Variants in LRRC27 observed in about 807,000 individuals in gnomAD.
The protein encoded by LRRC27 is leucine rich repeat containing 27.
A neutral mutation model predicts 55.0 loss-of-function variants in LRRC27; 57 were observed. That is an observed-to-expected ratio of 1.04 (90% CI 0.84 to 1.29). The LOEUF is 1.29. Among genes scored for constraint, LRRC27 ranks in the 50% most tolerant of loss-of-function variants. The probability of loss-of-function intolerance (pLI) is 0.00; values close to 1 mark genes in which losing one functional copy is unlikely to be tolerated. For missense variants in LRRC27, 721 were observed against 651.5 expected (o/e 1.11, Z -1.16); for synonymous variants, 278 against 251.9 (o/e 1.10, Z -0.98).
chr10:132,360,982 T>A (rs2068587531), intron 8 of LRRC27, among the ~76,000 whole-genome samples: 1 of 152,140 alleles, frequency 6.6e-6, no homozygotes, highest in Admixed American at 6.6e-5. Flanking sequence ...GCCGTTGGGG[T>A]GCTAGCCTCC....
intron 5 of LRRC27, among the ~76,000 whole-genome samples, chr10:132,347,046 G>C (rs1388974358): frequency 6.6e-6 from 1 of 152,206 alleles, no homozygotes; most frequent in African/African-American, 2.4e-5. Flanking sequence ...AGGTCCCAGT[G>C]GCTCCCAAAG....
chr10:132,349,154 G>A, intron 6 of LRRC27: 1 of 860,588 alleles, frequency 1.2e-6, no homozygotes, highest in Non-Finnish European at 1.9e-6. Flanking sequence ...AATAACAATT[G>A]GTGAATCTAG....
intron 6 of LRRC27, among the ~76,000 whole-genome samples, chr10:132,349,453 A>G (rs1356852828): frequency 6.6e-6 from 1 of 152,226 alleles, no homozygotes; most frequent in African/African-American, 2.4e-5. Context: ...CAGCACACAC[A>G]GCAGGTTCCC....
chr10:132,364,541 CTACCTCCA>C (rs2068897744), intron 9 of LRRC27, among the ~76,000 whole-genome samples: 1 of 37,118 alleles, frequency 2.7e-5, no homozygotes, highest in Non-Finnish European at 5.5e-5. Context: ...ACACTTAAAT[CTACCTCCA>C]CACCCACACT....
chr10:132,369,192 C>CT (rs1357986215), intron 10 of LRRC27, among the ~76,000 whole-genome samples: 1 of 152,208 alleles, frequency 6.6e-6, no homozygotes. Context: ...GGTACAGCCA[C>CT]TTGGGAAGAC....
rs1001075221 is a variant in LRRC27, at chr10:132,374,792, G to A, written c.1417-274G>A. Reference sequence around the variant, plus strand: ...ATGCACAGGACACCTGGGTGGGGCCGTGGGGACACCAGGATGAGTGGCCAT... The same window carrying A: ...ATGCACAGGACACCTGGGTGGGGCCATGGGGACACCAGGATGAGTGGCCAT... On this transcript the variant is annotated intron_variant, in intron 10 of 10. Coordinates refer to ENST00000368614, the MANE Select transcript of LRRC27 (RefSeq NM_030626.3). This position sits in a 1 kb window ranked among gnomAD's most constrained non-coding sequence, Gnocchi z 4.4. Among the ~76,000 whole-genome samples, 12 of 152,334 alleles carry A rather than the reference G, an allele frequency of 7.9e-5. No homozygotes were observed. The highest frequency in any genetic ancestry group is 2.9e-4 in the African/African-American group (12 of 41,580).
chr10:132,332,772 C>G (rs907627742), intron 1 of LRRC27, among the ~76,000 whole-genome samples: 1 of 152,080 alleles, frequency 6.6e-6, no homozygotes, highest in Non-Finnish European at 1.5e-5. Flanking sequence ...CCTAACTGAT[C>G]TGCGCCTCAT....
intron 7 of LRRC27, among the ~76,000 whole-genome samples, chr10:132,354,304 G>A (rs185947194): frequency 6.6e-6 from 1 of 152,194 alleles, no homozygotes; most frequent in African/African-American, 2.4e-5. Flanking sequence ...TGAGCAGCTC[G>A]GCAGGCCTAT....
At chr10:132,367,055 G>C in intron 10 of LRRC27, 1 of 1,052,130 alleles carries the variant, frequency 9.5e-7, no homozygotes, top group Non-Finnish European at 1.2e-6. Flanking sequence ...CTGCCTCTTA[G>C]GGCTGCAAAA....
upstream of LRRC27, chr10:132,330,509 G>A: frequency 1.4e-6 from 1 of 716,842 alleles, no homozygotes; most frequent in Non-Finnish European, 2.6e-6. Context: ...AGTTGGGTAT[G>A]TACGAAAACT....
At position 132,372,096 on chromosome 10, in the gene LRRC27, AAAG is replaced by A. The variant is rs2069230221; in HGVS notation, c.1417-2966_1417-2964del. On this transcript the variant is annotated intron_variant, in intron 10 of 10. Transcript: ENST00000368614. The surrounding 1 kb of genome is among the most constrained non-coding windows in gnomAD (Gnocchi z 4.0). ...AAAGCACAGGAAGACAAAACCAACCAAAGAAGGATGGGAAGTGGGGGTCGGGGT... is the reference window on the plus strand; with the variant it reads ...AAAGCACAGGAAGACAAAACCAACCAAAGGATGGGAAGTGGGGGTCGGGGT... Among the ~76,000 whole-genome samples the A allele has an allele frequency of 6.6e-6, 1 of 152,208 alleles. No individual in the cohort carries two copies. The highest frequency in any genetic ancestry group is 2.4e-5 in the African/African-American group (1 of 41,452).
chr10:132,349,567 C>T (rs1482895869), intron 6 of LRRC27, among the ~76,000 whole-genome samples: 3 of 152,188 alleles, frequency 2.0e-5, no homozygotes, highest in African/African-American at 7.2e-5. Flanking sequence ...TGCTTAGAAA[C>T]CTCTTTTCTT....
intron 5 of LRRC27, among the ~76,000 whole-genome samples, chr10:132,346,821 G>A (rs2067722681): frequency 6.7e-6 from 1 of 149,058 alleles, no homozygotes; most frequent in Non-Finnish European, 1.5e-5. Context: ...GTACCCCAGG[G>A]GGAATTTTAC....
chr10:132,367,506 C>T (rs1590731972), intron 10 of LRRC27, among the ~76,000 whole-genome samples: 2 of 152,310 alleles, frequency 1.3e-5, no homozygotes, highest in Admixed American at 1.3e-4. Flanking sequence ...TCTCAACATT[C>T]AGAAATCAAA....
chr10:132,335,900 T>G (rs2067105159), intron 2 of LRRC27, among the ~76,000 whole-genome samples: 1 of 152,296 alleles, frequency 6.6e-6, no homozygotes, highest in African/African-American at 2.4e-5. Context: ...CATCTTAGAC[T>G]AATCTTCTTT....
intron 7 of LRRC27, among the ~76,000 whole-genome samples, chr10:132,355,151 C>T (rs1486405667): frequency 6.6e-6 from 1 of 152,186 alleles, no homozygotes; most frequent in Admixed American, 6.5e-5. Flanking sequence ...TCTTGGCTCA[C>T]TGCAACCTCT....
At position 132,365,561 on chromosome 10, in the gene LRRC27, C is replaced by T; in HGVS notation, c.1416+11C>T. On this transcript the variant is annotated intron_variant, in intron 10 of 10. Coordinates refer to ENST00000368614, the MANE Select transcript of LRRC27 (RefSeq NM_030626.3). ...GAGGATCTGGAAATTGTAAGGATTTCTTGGTTCTGTTTAAAAAAGTGTGGG... is the reference window on the plus strand; with the variant it reads ...GAGGATCTGGAAATTGTAAGGATTTTTTGGTTCTGTTTAAAAAAGTGTGGG... 6.2e-7 allele frequency: 1 copy of T among 1,611,672 alleles called. No homozygotes were observed. Among genetic ancestry groups the T allele is most frequent in the Admixed American group, 1.7e-5 (1 of 59,628 alleles).
rs866121138 is a variant in LRRC27, at chr10:132,359,073, C to T, written c.1171-2384C>T. Among the ~76,000 whole-genome samples the T allele has an allele frequency of 1.6e-3, 12 of 7,560 alleles. 3 individuals are homozygous for T. Among genetic ancestry groups the T allele is most frequent in the African/African-American group, 3.1e-3 (5 of 1,632 alleles). The allele number at this position is 7,560 out of a possible 152,430, so 5.0% of individuals were successfully genotyped here. ...GGGAGGAGCCGAGGTGGTGGAGCAG[C>T]GTGGGGAGGAGCCGAGGTGATGGAG... On this transcript the variant is annotated intron_variant, in intron 8 of 10. Coordinates refer to ENST00000368614, the MANE Select transcript of LRRC27 (RefSeq NM_030626.3).
In LRRC27 at chr10:132,378,413, A is replaced by G. The variant is rs1470917243; in HGVS notation, c.*3171A>G. The G allele has an allele frequency of 1.5e-5, 2 of 134,872 alleles. No homozygotes were observed. Among genetic ancestry groups the G allele is most frequent in the African/African-American group, 2.7e-5 (1 of 36,878 alleles). 8.4% of individuals were successfully genotyped at this position (134,872 alleles called of 1,614,324 possible). On this transcript the variant is annotated 3_prime_UTR_variant, in exon 11 of 11. Transcript: ENST00000368614. ...CTTAGCCATTTTTTTTTTTTTTACTATTTTTTCCCCTGTTCTCCCTCTTCT... is the reference window on the plus strand; with the variant it reads ...CTTAGCCATTTTTTTTTTTTTTACTGTTTTTTCCCCTGTTCTCCCTCTTCT...
Sources: gnomAD v4.1 joint callset for allele counts (sites outside exome capture counted in the v4.1 genomes callset) on GRCh38, gnomAD v4.1.1 for gene constraint, Gnocchi (gnomAD v3.1) non-coding constraint, MANE v1.5 for transcripts, NCBI Gene and HGNC (gene_info 2026-07-23, HGNC 2026-07-21) for gene names.